The following NIBAN1 variants were observed in gnomAD, a reference collection of about 807,000 sequenced individuals.
The protein encoded by NIBAN1 is protein Niban 1.
NIBAN1 carries 81 observed loss-of-function variants against 75.1 expected under a neutral mutation model. The observed-to-expected ratio is 1.08, with a 90% CI of 0.90 to 1.30. NIBAN1 has a LOEUF of 1.30. NIBAN1 is among the 50% of genes most tolerant of loss of function. The pLI is 0.00. For synonymous variants in NIBAN1, 436 were observed against 424.8 expected, an observed-to-expected ratio of 1.03 and a Z score of -0.32; for missense variants, 1,133 against 1,128.1, an observed-to-expected ratio of 1.00 and a Z score of -0.06.
chr1:184,909,600 T>C (rs112076931), intron 1 of NIBAN1, among the ~76,000 whole-genome samples: 106 of 152,320 alleles, frequency 7.0e-4, no homozygotes, highest in African/African-American at 2.4e-3. Flanking sequence ...AGCCAGCTAA[T>C]ATTTTCTGAA....
At chr1:184,881,256 G>T (rs1656370481) in intron 5 of NIBAN1, among the ~76,000 whole-genome samples, 1 of 152,146 alleles carries the variant, frequency 6.6e-6, no homozygotes, top group South Asian at 2.1e-4. Context: ...CTTACTGTTG[G>T]AGAACAGGGC....
At chr1:184,903,199 T>A (rs913770229) in intron 1 of NIBAN1, among the ~76,000 whole-genome samples, 1 of 152,242 alleles carries the variant, frequency 6.6e-6, no homozygotes, top group Non-Finnish European at 1.5e-5. Context: ...CTAAAAGCAA[T>A]GGAAGGGATT....
chr1:184,804,441 G>A (rs1004840354), intron 11 of NIBAN1, among the ~76,000 whole-genome samples: 2 of 152,154 alleles, frequency 1.3e-5, no homozygotes, highest in Non-Finnish European at 2.9e-5. Flanking sequence ...AATAACCAGT[G>A]GTGAGAACTT....
At chr1:184,918,915 C>A (rs77973155) in intron 1 of NIBAN1, among the ~76,000 whole-genome samples, 5 of 152,302 alleles carry the variant, frequency 3.3e-5, no homozygotes, top group Non-Finnish European at 5.9e-5. Context: ...CTCCCAACAT[C>A]CTCCACCATT....
At chr1:184,897,010 G>A (rs759804174) in intron 2 of NIBAN1, among the ~76,000 whole-genome samples, 37 of 152,134 alleles carry the variant, frequency 2.4e-4, no homozygotes, top group Non-Finnish European at 4.4e-4. Context: ...GCTTGGGCGT[G>A]CTTTGGCTAT....
At chr1:184,964,616 A>G (rs1463903797) in intron 1 of NIBAN1, among the ~76,000 whole-genome samples, 1 of 152,214 alleles carries the variant, frequency 6.6e-6, no homozygotes, top group African/African-American at 2.4e-5. Context: ...GAGCTCATGC[A>G]TGCAATGCTC....
intron 5 of NIBAN1, among the ~76,000 whole-genome samples, chr1:184,861,765 AG>A (rs764010028): frequency 1.5e-4 from 22 of 145,558 alleles, no homozygotes; most frequent in Non-Finnish European, 3.2e-4. Context: ...AGAAGAAAGG[AG>A]GGAGGGAGGA....
At position 184,805,992 on chromosome 1, in the gene NIBAN1, G is replaced by A; in HGVS notation, c.1400C>T (p.Ser467Phe). 1 of 1,614,196 alleles carries A rather than the reference G, an allele frequency of 6.2e-7. No homozygotes were observed. The highest frequency in any genetic ancestry group is 8.5e-7 in the Non-Finnish European group (1 of 1,180,026). The change falls in exon 11 of 14, where the codon TCC becomes TTC. Residue 467 changes from serine (S) to phenylalanine (F), a missense_variant. Ser to Phe is a radical substitution (Grantham distance 155). Coordinates refer to ENST00000367511, the MANE Select transcript of NIBAN1 (RefSeq NM_052966.4). The stretch of plus-strand genomic sequence containing the variant: ...CTTCTCAATGGCAACTGCAGTTTTG[G>A]AGGCCTCTCCTTGGAGATGTGGGGA... ...LLSPHLQGEA[S>F]KTAVAIEKVK...
chr1:184,880,484 G>A (rs1656349051), intron 5 of NIBAN1, among the ~76,000 whole-genome samples: 2 of 152,186 alleles, frequency 1.3e-5, no homozygotes, highest in African/African-American at 4.8e-5. Context: ...CATGGATCCT[G>A]CCCATCTTCC....
At chr1:184,827,876 AG>A (rs1369236162) in intron 6 of NIBAN1, among the ~76,000 whole-genome samples, 1 of 151,230 alleles carries the variant, frequency 6.6e-6, no homozygotes, top group African/African-American at 2.4e-5. Flanking sequence ...TCCAGTCAAA[AG>A]GAGTCACACT....
chr1:184,892,368 A>G (rs1277851134), intron 3 of NIBAN1, among the ~76,000 whole-genome samples: 1 of 152,204 alleles, frequency 6.6e-6, no homozygotes, highest in Admixed American at 6.5e-5. Context: ...TGGTAAAGGT[A>G]TGAGTCAAAG....
chr1:184,890,258 T>C, intron 3 of NIBAN1, 36 bp from the exon 4 acceptor site: 1 of 1,514,964 alleles, frequency 6.6e-7, no homozygotes, highest in Non-Finnish European at 9.2e-7. Context: ...TGATATCTTT[T>C]TCCCCATTTG....
intron 12 of NIBAN1, among the ~76,000 whole-genome samples, chr1:184,798,993 G>T (rs1188710479): frequency 6.6e-6 from 1 of 151,780 alleles, no homozygotes; most frequent in Middle Eastern, 3.2e-3. Context: ...GATAAAAATT[G>T]AGATTTTTTT....
In NIBAN1 at chr1:184,931,527, G is replaced by A. The variant is rs533406022; in HGVS notation, c.56-32218C>T. 2.0e-5 allele frequency among the ~76,000 whole-genome samples: 3 copies of A among 152,302 alleles called. No homozygotes were observed. In the South Asian group the frequency reaches 6.2e-4, roughly 32 times the overall value. On this transcript the variant is annotated intron_variant, in intron 1 of 13. Coordinates refer to ENST00000367511, the MANE Select transcript of NIBAN1 (RefSeq NM_052966.4). ...GAAACAAAAAGTTATTGTATAAGTA[G>A]AAAAGCATAGAAATGAAGTTGGAGG... is the stretch of plus-strand genomic sequence containing the variant.
chr1:184,812,130 A>G (rs1654399480), intron 9 of NIBAN1, among the ~76,000 whole-genome samples: 1 of 152,138 alleles, frequency 6.6e-6, no homozygotes, highest in Non-Finnish European at 1.5e-5. Flanking sequence ...GCACCCTCCC[A>G]CAGGCAATAC....
chr1:184,866,143 T>C (rs1655950937), intron 5 of NIBAN1, among the ~76,000 whole-genome samples: 1 of 152,150 alleles, frequency 6.6e-6, no homozygotes, highest in African/African-American at 2.4e-5. Flanking sequence ...ACTTGGCTTC[T>C]AGGAACTCCT....
chr1:184,916,502 C>G (rs1657388326), intron 1 of NIBAN1, among the ~76,000 whole-genome samples: 1 of 152,004 alleles, frequency 6.6e-6, no homozygotes, highest in African/African-American at 2.4e-5. Context: ...CAAAAAAAAT[C>G]CAATTCATTA....
At chr1:184,857,247 AC>A (rs1242131082) in intron 5 of NIBAN1, among the ~76,000 whole-genome samples, 1 of 152,182 alleles carries the variant, frequency 6.6e-6, no homozygotes, top group Non-Finnish European at 1.5e-5. Context: ...GACACCATGA[AC>A]AAAGGCCTAA....
chr1:184,866,934 T>C (rs1430882683), intron 5 of NIBAN1, among the ~76,000 whole-genome samples: 1 of 152,168 alleles, frequency 6.6e-6, no homozygotes, highest in East Asian at 1.9e-4. Flanking sequence ...ACCCCTTTCA[T>C]CTAATCAAAA....
Sources: allele counts gnomAD v4.1 joint callset (sites outside exome capture counted in the v4.1 genomes callset), GRCh38; gene constraint gnomAD v4.1.1; transcripts MANE v1.5; gene names NCBI Gene and HGNC (gene_info 2026-07-23, HGNC 2026-07-21).